The following GXYLT1 variants were observed in gnomAD, a reference collection of about 807,000 sequenced individuals.
GXYLT1 encodes the protein glucoside xylosyltransferase 1.
In GXYLT1, 29 loss-of-function variants were observed where a neutral mutation model predicts 54.0. That is an observed-to-expected ratio of 0.54 (90% CI 0.40 to 0.73). The LOEUF (loss-of-function observed/expected upper bound fraction) is 0.73. Among genes scored for constraint, GXYLT1 ranks in the 30% least tolerant of loss-of-function variants. GXYLT1 has a pLI of 0.00. For synonymous variants in GXYLT1, 176 were observed against 204.1 expected (o/e 0.86, Z 1.17); for missense variants, 490 against 553.4 (o/e 0.89, Z 1.15).
At chr12:42,114,677 T>G (rs1352269261) in intron 3 of GXYLT1, among the ~76,000 whole-genome samples, 8 of 152,174 alleles carry the variant, frequency 5.3e-5, no homozygotes, top group African/African-American at 9.7e-5. Context: ...CCAGATGGAT[T>G]CACAGCCGAA....
intron 1 of GXYLT1, among the ~76,000 whole-genome samples, chr12:42,139,950 G>A (rs979782870): frequency 1.7e-4 from 26 of 152,062 alleles, no homozygotes; most frequent in Non-Finnish European, 3.4e-4. Flanking sequence ...GGGAAGCCGA[G>A]GTGGGCGGAT....
intron 2 of GXYLT1, among the ~76,000 whole-genome samples, chr12:42,119,379 C>T (rs2065517068): frequency 6.6e-6 from 1 of 151,392 alleles, no homozygotes; most frequent in African/African-American, 2.4e-5. Context: ...ATACTCCAGC[C>T]TGGGCAACAG....
intron 2 of GXYLT1, among the ~76,000 whole-genome samples, chr12:42,124,425 C>T (rs756397948): frequency 1.2e-4 from 18 of 151,374 alleles, no homozygotes; most frequent in South Asian, 2.1e-4. Flanking sequence ...ATGGCAAAAC[C>T]GAACATATTA....
intron 1 of GXYLT1, among the ~76,000 whole-genome samples, chr12:42,139,603 T>C (rs1354035558): frequency 2.6e-5 from 4 of 152,212 alleles, no homozygotes; most frequent in African/African-American, 9.6e-5. Context: ...CTTGGATTTC[T>C]AGTCTCCAGA....
chr12:42,087,748 C>G lies in GXYLT1; in HGVS notation c.*38G>C. Reference sequence around the variant, plus strand: ...ATTCCTTCACACTTATCTTCTGATTCTTTGTTTTCATCCATTTGATTAAGC... The same window carrying G: ...ATTCCTTCACACTTATCTTCTGATTGTTTGTTTTCATCCATTTGATTAAGC... On this transcript the variant is annotated 3_prime_UTR_variant, in exon 8 of 8. Coordinates refer to ENST00000398675, the MANE Select transcript of GXYLT1 (RefSeq NM_173601.2). 2 of 1,451,246 alleles carry G rather than the reference C, an allele frequency of 1.4e-6. No homozygotes were observed. The highest frequency in any genetic ancestry group is 1.9e-6 in the Non-Finnish European group (2 of 1,055,666). The allele number at this position is 1,451,246 out of a possible 1,614,324, so 89.9% of individuals were successfully genotyped here.
chr12:42,132,081 A>C (rs1000252466), intron 1 of GXYLT1, among the ~76,000 whole-genome samples: 1 of 152,190 alleles, frequency 6.6e-6, no homozygotes, highest in East Asian at 1.9e-4. Flanking sequence ...AAAATTATAT[A>C]TATTTAACAA....
rs561849227 is a variant in GXYLT1, at chr12:42,131,930, C to T, written c.222-2079G>A. Among the ~76,000 whole-genome samples the T allele has an allele frequency of 3.8e-4, 58 of 152,290 alleles. 1 individual carries two copies. In the South Asian group the frequency reaches 0.012, roughly 32 times the overall value. ...TTTCAACAAATGCACAATTTATTTA[C>T]AATCAACACCTAATGTGTACCTTTG... On this transcript the variant is annotated intron_variant, in intron 1 of 7. Transcript: ENST00000398675.
At chr12:42,128,875 T>C (rs564436999) in intron 2 of GXYLT1, among the ~76,000 whole-genome samples, 84 of 152,022 alleles carry the variant, frequency 5.5e-4, no homozygotes, top group Middle Eastern at 6.8e-3. Flanking sequence ...GGGTCTTGCT[T>C]TTGTTGCCCA....
At position 42,085,196 on chromosome 12, in the gene GXYLT1, C is replaced by T. The variant is rs552288537; in HGVS notation, c.*2590G>A. ...CCTTTAATTTTAGGTAGAAACAGTA[C>T]CCAAAAGACAGTTTTCACTATAATT... On this transcript the variant is annotated 3_prime_UTR_variant, in exon 8 of 8. Transcript: ENST00000398675. The T allele has an allele frequency of 2.4e-4, 36 of 152,170 alleles. No homozygotes were observed. The South Asian group carries it at 6.2e-3, about 26-fold the overall frequency. The allele number at this position is 152,170 out of a possible 1,614,324, so 9.4% of individuals were successfully genotyped here. A position where few individuals can be genotyped will look rare whatever the true frequency, so the allele number is the denominator to read the frequency against.
At chr12:42,136,751 T>TACATACATACATAC in intron 1 of GXYLT1, among the ~76,000 whole-genome samples, 1 of 147,488 alleles carries the variant, frequency 6.8e-6, no homozygotes, top group South Asian at 2.2e-4. Flanking sequence ...GGAGGTTTTT[T>TACATACATACATAC]ATACATACAT....
chr12:42,136,693 G>A (rs889852386), intron 1 of GXYLT1, among the ~76,000 whole-genome samples: 1 of 151,870 alleles, frequency 6.6e-6, no homozygotes, highest in Admixed American at 6.6e-5. Flanking sequence ...AACAACACTC[G>A]GCATAATAAC....
chr12:42,126,772 C>T (rs1483744986), intron 2 of GXYLT1, among the ~76,000 whole-genome samples: 1 of 151,174 alleles, frequency 6.6e-6, no homozygotes, highest in Non-Finnish European at 1.5e-5. Context: ...AGTCCCAGCT[C>T]AGGAGACTGA....
intron 2 of GXYLT1, 119 bp downstream of exon 2, chr12:42,129,640 G>A (rs568678702): frequency 3.4e-6 from 2 of 594,916 alleles, no homozygotes; most frequent in South Asian, 5.7e-5. Context: ...AACCCAATAA[G>A]AAAATAAATT....
At chr12:42,108,048 G>A (rs1389338050) in intron 4 of GXYLT1, among the ~76,000 whole-genome samples, 1 of 152,112 alleles carries the variant, frequency 6.6e-6, no homozygotes, top group Non-Finnish European at 1.5e-5. Flanking sequence ...AAAAAATAAA[G>A]CACCAATTTA....
rs549602184 is a variant in GXYLT1, at chr12:42,086,655, T to C, written c.*1131A>G. On this transcript the variant is annotated 3_prime_UTR_variant, in exon 8 of 8. Coordinates refer to ENST00000398675, the MANE Select transcript of GXYLT1 (RefSeq NM_173601.2). Reference sequence around the variant, plus strand: ...TAAAAAAATTAACTGTCTTAGGTGATATTCAAAAATGCACATCAACCCAAT... The same window carrying C: ...TAAAAAAATTAACTGTCTTAGGTGACATTCAAAAATGCACATCAACCCAAT... 2.6e-5 allele frequency: 4 copies of C among 151,922 alleles called. No homozygotes were observed. The South Asian group carries it at 8.3e-4, about 32-fold the overall frequency. The allele number at this position is 151,922 out of a possible 1,614,324, so 9.4% of individuals were successfully genotyped here.
chr12:42,137,718 C>G (rs946121905), intron 1 of GXYLT1, among the ~76,000 whole-genome samples: 9 of 140,348 alleles, frequency 6.4e-5, no homozygotes, highest in African/African-American at 2.4e-4. Flanking sequence ...GATCATGCCA[C>G]TGCACTCCAG....
At chr12:42,112,929 T>G (rs943173331) in intron 3 of GXYLT1, among the ~76,000 whole-genome samples, 1 of 151,212 alleles carries the variant, frequency 6.6e-6, no homozygotes, top group Admixed American at 6.6e-5. Context: ...TAAGGGCGGA[T>G]CTCTCGGCAG....
chr12:42,120,626 G>A (rs2065525121), intron 2 of GXYLT1, among the ~76,000 whole-genome samples: 1 of 152,028 alleles, frequency 6.6e-6, no homozygotes, highest in African/African-American at 2.4e-5. Flanking sequence ...AACCTCCCAG[G>A]CTCAAGCCAT....
chr12:42,124,395 T>C (rs2065548708), intron 2 of GXYLT1, among the ~76,000 whole-genome samples: 1 of 151,906 alleles, frequency 6.6e-6, no homozygotes, highest in Non-Finnish European at 1.5e-5. Flanking sequence ...AAAAACAAAT[T>C]AGAAACTTAT....
Sources: gnomAD v4.1 joint callset for allele counts (sites outside exome capture counted in the v4.1 genomes callset) on GRCh38, gnomAD v4.1.1 for gene constraint, MANE v1.5 for transcripts, NCBI Gene and HGNC (gene_info 2026-07-23, HGNC 2026-07-21) for gene names.